Variants in FAM107B observed in about 807,000 individuals in gnomAD.
The protein encoded by FAM107B is protein FAM107B.
In FAM107B, 21 loss-of-function variants were observed where a neutral mutation model predicts 31.5. That is an observed-to-expected ratio of 0.67 (90% CI 0.47 to 0.96). The LOEUF is 0.96. Ranked by LOEUF, FAM107B falls within the 40% of genes least tolerant of loss-of-function variation. The pLI is 0.00. For missense variants in FAM107B, 452 were observed against 377.1 expected (o/e 1.20, Z -1.64); for synonymous variants, 157 against 141.5 (o/e 1.11, Z -0.78).
At chr10:14,727,143 C>G (rs1222082557) in intron 1 of FAM107B, among the ~76,000 whole-genome samples, 1 of 152,088 alleles carries the variant, frequency 6.6e-6, no homozygotes, top group African/African-American at 2.4e-5. Context: ...GGAGCTCAGG[C>G]AGTAATGCAA....
chr10:14,690,259 C>G (rs1025444181), intron 1 of FAM107B, among the ~76,000 whole-genome samples: 3 of 152,180 alleles, frequency 2.0e-5, no homozygotes, highest in Non-Finnish European at 4.4e-5. Flanking sequence ...TGGCTCTCAC[C>G]TTCAGGTCAC....
intron 1 of FAM107B, among the ~76,000 whole-genome samples, chr10:14,675,312 A>G (rs1016270732): frequency 1.3e-5 from 2 of 152,028 alleles, no homozygotes; most frequent in Non-Finnish European, 2.9e-5. Context: ...CAGTTTTCCT[A>G]TCTATCTGAT....
At chr10:14,542,717 C>T (rs765059686) in intron 2 of FAM107B, 6 of 152,190 alleles carry the variant, frequency 3.9e-5, no homozygotes, top group Non-Finnish European at 8.8e-5. Flanking sequence ...ATCTTCTTAA[C>T]ACATACCAGT....
chr10:14,752,523 G>A (rs185433152), intron 1 of FAM107B, among the ~76,000 whole-genome samples: 6 of 152,304 alleles, frequency 3.9e-5, no homozygotes, highest in Middle Eastern at 3.4e-3. Flanking sequence ...AGTATAGGAC[G>A]CAAACTGTCA....
rs71388188 is a variant in FAM107B, at chr10:14,582,375, CTTTTTTTTTTT to C, written c.470-51871_470-51861del. 6.2e-5 allele frequency among the ~76,000 whole-genome samples: 7 copies of C among 112,084 alleles called. No individual in the cohort carries two copies. The South Asian group carries it at 8.5e-4, about 14-fold the overall frequency. The allele number at this position is 112,084 out of a possible 152,430, so 73.5% of individuals were successfully genotyped here. On this transcript the variant is annotated intron_variant, in intron 2 of 4. Coordinates refer to ENST00000181796, the MANE Select transcript of FAM107B (RefSeq NM_031453.4). ...CATGTTTGTTTTTGTTTTTTCTTTT[CTTTTTTTTTTT>C]TTTTTTTTGAGACAGAGTCTCACTC...
At chr10:14,727,298 A>G (rs1196739681) in intron 1 of FAM107B, among the ~76,000 whole-genome samples, 1 of 152,192 alleles carries the variant, frequency 6.6e-6, no homozygotes, top group African/African-American at 2.4e-5. Context: ...TTACACTCTG[A>G]CTTTTCCCTA....
chr10:14,520,280 T>C lies in FAM107B; in HGVS notation c.*910A>G, dbSNP rs1845508279. 6.6e-6 allele frequency: 1 copy of C among 152,202 alleles called. No individual in the cohort carries two copies. Among genetic ancestry groups the C allele is most frequent in the Non-Finnish European group, 1.5e-5 (1 of 68,040 alleles). 9.4% of individuals were successfully genotyped at this position (152,202 alleles called of 1,614,324 possible). On this transcript the variant is annotated 3_prime_UTR_variant, in exon 5 of 5. Transcript: ENST00000181796. ...GAAATCCTGACTGCCCAGCTGGTCATGGGAACCTTCCCCACTCTCCTCTTG... is the reference window on the plus strand; with the variant it reads ...GAAATCCTGACTGCCCAGCTGGTCACGGGAACCTTCCCCACTCTCCTCTTG...
intron 1 of FAM107B, among the ~76,000 whole-genome samples, chr10:14,689,545 G>A (rs11814739): frequency 0.033 from 5,066 of 152,254 alleles, 278 homozygotes; most frequent in African/African-American, 0.12. Context: ...AGGTAAGTAC[G>A]AGGAAGGCTT....
intron 1 of FAM107B, among the ~76,000 whole-genome samples, chr10:14,717,648 T>A (rs1175653987): frequency 6.6e-6 from 1 of 152,204 alleles, no homozygotes; most frequent in African/African-American, 2.4e-5. Flanking sequence ...CCTGCTTTGT[T>A]CTAGCCACAC....
chr10:14,548,690 G>A lies in FAM107B; in HGVS notation c.470-18175C>T, dbSNP rs1048263613. On this transcript the variant is annotated intron_variant, in intron 2 of 4. Coordinates refer to ENST00000181796, the MANE Select transcript of FAM107B (RefSeq NM_031453.4). ...GGGGCCTTCCTCCATCGCCTCATTGGCCAGAACAGTGTCACATGACCACTC... is the reference window on the plus strand; with the variant it reads ...GGGGCCTTCCTCCATCGCCTCATTGACCAGAACAGTGTCACATGACCACTC... 3.0e-5 allele frequency: 29 copies of A among 978,812 alleles called. No individual in the cohort carries two copies. In the African/African-American group the frequency reaches 4.9e-4, roughly 17 times the overall value. 60.6% of individuals were successfully genotyped at this position (978,812 alleles called of 1,614,324 possible).
intron 2 of FAM107B, chr10:14,556,275 C>A (rs969006670): frequency 6.8e-6 from 6 of 876,912 alleles, no homozygotes; most frequent in Admixed American, 6.2e-5. Context: ...GACTGGAAGG[C>A]CAGTAATTTG....
intron 1 of FAM107B, among the ~76,000 whole-genome samples, chr10:14,752,320 C>T (rs571201249): frequency 5.4e-4 from 83 of 152,336 alleles, no homozygotes; most frequent in South Asian, 2.3e-3. Context: ...GAGCCTCCCT[C>T]CAGGGAGGAA....
At chr10:14,532,989 C>A (rs529532754) in intron 2 of FAM107B, among the ~76,000 whole-genome samples, 1 of 152,002 alleles carries the variant, frequency 6.6e-6, no homozygotes, top group East Asian at 1.9e-4. Context: ...TGGCAAAGCG[C>A]GAGGCTGGCT....
chr10:14,629,477 T>G (rs1308693017), intron 2 of FAM107B, among the ~76,000 whole-genome samples: 2 of 111,776 alleles, frequency 1.8e-5, no homozygotes, highest in Non-Finnish European at 3.4e-5. Context: ...ATTTAATATA[T>G]ATATAACATA....
At chr10:14,723,599 G>A in intron 1 of FAM107B, 1 of 683,020 alleles carries the variant, frequency 1.5e-6, no homozygotes, top group Non-Finnish European at 2.7e-6. Flanking sequence ...TAGAACAGAG[G>A]GGAATCTGTG....
At chr10:14,758,952 G>T (rs1448558800) in intron 1 of FAM107B, among the ~76,000 whole-genome samples, 1 of 150,750 alleles carries the variant, frequency 6.6e-6, no homozygotes, top group Non-Finnish European at 1.5e-5. Flanking sequence ...GCCGAGGCAG[G>T]TGGATCACCT....
chr10:14,570,111 T>C (rs2131254733), intron 2 of FAM107B, among the ~76,000 whole-genome samples: 1 of 152,308 alleles, frequency 6.6e-6, no homozygotes, highest in South Asian at 2.1e-4. Flanking sequence ...AGAAAAAAAC[T>C]GTATGTAAAT....
At chr10:14,763,773 C>T (rs1007166244) in intron 1 of FAM107B, among the ~76,000 whole-genome samples, 1 of 152,182 alleles carries the variant, frequency 6.6e-6, no homozygotes, top group African/African-American at 2.4e-5. Flanking sequence ...CCTAAAGCAT[C>T]CAGCTTGGTC....
At chr10:14,666,059 T>C (rs924237124) in intron 2 of FAM107B, among the ~76,000 whole-genome samples, 1 of 152,154 alleles carries the variant, frequency 6.6e-6, no homozygotes, top group African/African-American at 2.4e-5. Context: ...ATTACTACTA[T>C]GTATCAGGCA....
Sources: gnomAD v4.1 joint callset for allele counts (sites outside exome capture counted in the v4.1 genomes callset) on GRCh38, gnomAD v4.1.1 for gene constraint, MANE v1.5 for transcripts, NCBI Gene and HGNC (gene_info 2026-07-23, HGNC 2026-07-21) for gene names.